Variants in CAMKMT observed in about 807,000 individuals in gnomAD.
CAMKMT encodes the protein CaM KMT.
A neutral mutation model predicts 48.0 loss-of-function variants in CAMKMT; 53 were observed. The ratio of observed to expected loss-of-function variants is 1.10; its 90% confidence interval spans 0.89 to 1.39. The LOEUF is 1.39. Among genes scored for constraint, CAMKMT ranks in the 40% most tolerant of loss-of-function variants. CAMKMT has a pLI of 0.00. For missense variants in CAMKMT, 428 were observed against 402.7 expected (o/e 1.06, Z -0.54); for synonymous variants, 165 against 152.3 (o/e 1.08, Z -0.61).
chr2:44,757,356 C>T (rs973208145), intron 9 of CAMKMT, among the ~76,000 whole-genome samples: 5 of 152,156 alleles, frequency 3.3e-5, no homozygotes, highest in African/African-American at 9.7e-5. Flanking sequence ...GCATTCTCCT[C>T]GCAGAGAGAA....
At chr2:44,735,603 A>G (rs906807367) in intron 7 of CAMKMT, among the ~76,000 whole-genome samples, 1 of 152,008 alleles carries the variant, frequency 6.6e-6, no homozygotes, top group African/African-American at 2.4e-5. Context: ...CATTTCATGT[A>G]TATTATTAAA....
chr2:44,568,776 C>T (rs1197700497), intron 3 of CAMKMT, among the ~76,000 whole-genome samples: 1 of 152,144 alleles, frequency 6.6e-6, no homozygotes, highest in Non-Finnish European at 1.5e-5. Flanking sequence ...TGTGCAGCCC[C>T]TGCTTACAGA....
chr2:44,444,184 C>T (rs1024839013), intron 3 of CAMKMT, among the ~76,000 whole-genome samples: 4 of 152,144 alleles, frequency 2.6e-5, no homozygotes, highest in Non-Finnish European at 5.9e-5. Flanking sequence ...ACTATGTTCC[C>T]AGCACCGTGT....
intron 3 of CAMKMT, among the ~76,000 whole-genome samples, chr2:44,466,612 A>T (rs1448607526): frequency 2.0e-5 from 3 of 152,190 alleles, no homozygotes; most frequent in Non-Finnish European, 4.4e-5. Context: ...AAGGAACCAG[A>T]AAAAGAACAA....
At chr2:44,451,904 C>T (rs938810467) in intron 3 of CAMKMT, among the ~76,000 whole-genome samples, 3 of 151,390 alleles carry the variant, frequency 2.0e-5, no homozygotes, top group Non-Finnish European at 4.4e-5. Context: ...AGCCAAAAAC[C>T]TTATTCCATT....
chr2:44,689,104 A>G (rs780230685), intron 3 of CAMKMT, among the ~76,000 whole-genome samples: 1 of 152,116 alleles, frequency 6.6e-6, no homozygotes, highest in Non-Finnish European at 1.5e-5. Flanking sequence ...CACTTTTGCT[A>G]TTTTGGTATG....
chr2:44,562,680 C>T (rs1414943415), intron 3 of CAMKMT, among the ~76,000 whole-genome samples: 3 of 152,178 alleles, frequency 2.0e-5, no homozygotes, highest in African/African-American at 7.2e-5. Context: ...TCTGCCTCAG[C>T]CTCCCGAGTA....
intron 3 of CAMKMT, among the ~76,000 whole-genome samples, chr2:44,462,913 C>A (rs916038996): frequency 3.3e-5 from 5 of 152,158 alleles, no homozygotes; most frequent in Non-Finnish European, 7.4e-5. Flanking sequence ...ATTGCATCCC[C>A]ATATTGTCAT....
At chr2:44,632,384 T>A (rs1672883606) in intron 3 of CAMKMT, among the ~76,000 whole-genome samples, 1 of 152,204 alleles carries the variant, frequency 6.6e-6, no homozygotes, top group East Asian at 1.9e-4. Flanking sequence ...TATTTTTTAT[T>A]TTTTGAGGCG....
At chr2:44,387,842 T>C (rs1277710377) in intron 2 of CAMKMT, among the ~76,000 whole-genome samples, 1 of 152,204 alleles carries the variant, frequency 6.6e-6, no homozygotes, top group Non-Finnish European at 1.5e-5. Context: ...ACAATTGTTT[T>C]GTTTGTTTGA....
intron 3 of CAMKMT, among the ~76,000 whole-genome samples, chr2:44,488,373 G>A (rs988490990): frequency 2.6e-5 from 4 of 152,092 alleles, no homozygotes; most frequent in Non-Finnish European, 4.4e-5. Flanking sequence ...GTGTGGTGGC[G>A]CATGCCTGTA....
intron 3 of CAMKMT, among the ~76,000 whole-genome samples, chr2:44,595,124 A>G (rs1407840552): frequency 1.3e-5 from 2 of 152,208 alleles, no homozygotes; most frequent in African/African-American, 4.8e-5. Flanking sequence ...GCCAGTTAGA[A>G]TGGTGATCAT....
intron 3 of CAMKMT, among the ~76,000 whole-genome samples, chr2:44,470,119 C>T (rs1007158914): frequency 1.6e-4 from 25 of 151,774 alleles, no homozygotes; most frequent in Admixed American, 3.9e-4. Flanking sequence ...ATATTTCCTG[C>T]GGCTCATTTT....
intron 3 of CAMKMT, among the ~76,000 whole-genome samples, chr2:44,635,818 C>A (rs1469703574): frequency 6.6e-6 from 1 of 152,100 alleles, no homozygotes; most frequent in Non-Finnish European, 1.5e-5. Flanking sequence ...ATACAATACA[C>A]AAGACTAACG....
At chr2:44,369,758 C>T (rs1221299253) in intron 1 of CAMKMT, 1 of 152,208 alleles carries the variant, frequency 6.6e-6, no homozygotes, top group African/African-American at 2.4e-5. Flanking sequence ...TGTGCTCCCT[C>T]TCACTCTCCA....
intron 3 of CAMKMT, among the ~76,000 whole-genome samples, chr2:44,530,701 A>T (rs1464096311): frequency 6.6e-6 from 1 of 152,092 alleles, no homozygotes; most frequent in African/African-American, 2.4e-5. Flanking sequence ...GTTTTGGGTG[A>T]TGTGCCTCCA....
chr2:44,683,837 A>AAG (rs1558793921), intron 3 of CAMKMT, among the ~76,000 whole-genome samples: 70 of 149,348 alleles, frequency 4.7e-4, no homozygotes, highest in African/African-American at 1.6e-3. Flanking sequence ...AAAAAAAAAA[A>AAG]AAAAAAGAAA....
intron 3 of CAMKMT, among the ~76,000 whole-genome samples, chr2:44,539,041 C>T (rs866989151): frequency 1.1e-4 from 17 of 150,348 alleles, no homozygotes; most frequent in African/African-American, 1.7e-4. Flanking sequence ...CAGTGGCTCA[C>T]GCCTGTAATC....
At chr2:44,467,610 A>T (rs1317639598) in intron 3 of CAMKMT, among the ~76,000 whole-genome samples, 1 of 152,158 alleles carries the variant, frequency 6.6e-6, no homozygotes, top group East Asian at 1.9e-4. Context: ...ACCAAAATAT[A>T]CTACAAAGCG....
Sources: gnomAD v4.1 joint callset for allele counts (sites outside exome capture counted in the v4.1 genomes callset) on GRCh38, gnomAD v4.1.1 for gene constraint, MANE v1.5 for transcripts, NCBI Gene and HGNC (gene_info 2026-07-23, HGNC 2026-07-21) for gene names.